TMEFF1: variants seen among roughly 807,000 people sequenced by gnomAD.
The protein encoded by TMEFF1 is tomoregulin-1.
A neutral mutation model predicts 47.5 loss-of-function variants in TMEFF1; 20 were observed. The observed-to-expected ratio is 0.42, with a 90% CI of 0.30 to 0.61. The LOEUF (loss-of-function observed/expected upper bound fraction) is 0.61. Ranked by LOEUF, TMEFF1 falls within the 20% of genes least tolerant of loss-of-function variation. TMEFF1 has a pLI of 0.19. For synonymous variants in TMEFF1, 162 were observed against 166.3 expected (o/e 0.97, Z 0.20); for missense variants, 411 against 471.1 (o/e 0.87, Z 1.18).
intron 5 of TMEFF1, 138 bp from the exon 6 acceptor site, chr9:100,547,606 A>T: frequency 2.8e-6 from 3 of 1,065,790 alleles, no homozygotes; most frequent in Non-Finnish European, 3.7e-6. Flanking sequence ...TACTTTGCTT[A>T]AGCTTTCATC....
At chr9:100,490,857 GTGTGTGTGTGTGTGTA>G (rs1837538901) in intron 1 of TMEFF1, among the ~76,000 whole-genome samples, 1 of 150,956 alleles carries the variant, frequency 6.6e-6, no homozygotes, top group Non-Finnish European at 1.5e-5. Context: ...GTGTGTGTGT[GTGTGTGTGTGTGTGTA>G]TGTGTGTATG....
At chr9:100,528,340 T>C (rs1257171771) in intron 5 of TMEFF1, among the ~76,000 whole-genome samples, 2 of 148,648 alleles carry the variant, frequency 1.3e-5, no homozygotes, top group Non-Finnish European at 1.5e-5. Flanking sequence ...TTGAAAACTT[T>C]GAAAAAAATT....
chr9:100,489,224 T>A (rs1837505428), intron 1 of TMEFF1, among the ~76,000 whole-genome samples: 1 of 152,230 alleles, frequency 6.6e-6, no homozygotes, highest in Non-Finnish European at 1.5e-5. Flanking sequence ...CCTTTTTCTT[T>A]TTTTTGGAGA....
rs559523895 is a variant in TMEFF1, at chr9:100,564,652, A to T, written c.899+3132A>T. On this transcript the variant is annotated intron_variant, in intron 8 of 9. Coordinates refer to ENST00000374879, the MANE Select transcript of TMEFF1 (RefSeq NM_003692.5). The stretch of plus-strand genomic sequence containing the variant: ...AGGAAGGGTCAGGTCTTACAGGAAC[A>T]TTTGGGCCATCCCAGGAGCTTGGCT... 1.8e-4 allele frequency among the ~76,000 whole-genome samples: 28 copies of T among 152,244 alleles called. No individual in the cohort carries two copies. The South Asian group carries it at 5.4e-3, about 29-fold the overall frequency.
At chr9:100,487,846 T>A (rs1837480756) in intron 1 of TMEFF1, among the ~76,000 whole-genome samples, 1 of 152,164 alleles carries the variant, frequency 6.6e-6, no homozygotes, top group Non-Finnish European at 1.5e-5. Flanking sequence ...TTACTTTTAC[T>A]TAATCAAATA....
intron 8 of TMEFF1, among the ~76,000 whole-genome samples, chr9:100,568,850 TA>T (rs1839176175): frequency 6.6e-6 from 1 of 152,184 alleles, no homozygotes; most frequent in African/African-American, 2.4e-5. Context: ...TAGCTTTTTT[TA>T]ACTTAGCGTA....
intron 2 of TMEFF1, among the ~76,000 whole-genome samples, 162 bp downstream of exon 2, chr9:100,499,036 T>G (rs1837710449): frequency 6.6e-6 from 1 of 152,208 alleles, no homozygotes; most frequent in Non-Finnish European, 1.5e-5. Flanking sequence ...TATTTGTATC[T>G]TCCATACTGC....
chr9:100,516,108 C>T (rs1838067395), intron 4 of TMEFF1, among the ~76,000 whole-genome samples: 1 of 151,970 alleles, frequency 6.6e-6, no homozygotes, highest in Non-Finnish European at 1.5e-5. Context: ...GCTAAGTGAC[C>T]AAGTAGAAAA....
intron 5 of TMEFF1, among the ~76,000 whole-genome samples, chr9:100,539,489 TGTCTTCAGGA>T (rs1415825103): frequency 6.6e-6 from 1 of 152,170 alleles, no homozygotes; most frequent in African/African-American, 2.4e-5. Context: ...GTAGTCTTGC[TGTCTTCAGGA>T]GTGAAGCTGC....
In TMEFF1 at chr9:100,473,782, C is replaced by T. The variant is rs781501300; in HGVS notation, c.196+42C>T. ...CCGGCCCTAGGTCTTCCCACCCCTC[C>T]GTTGCCGCCTCCCTCGTGGTCCCTG... On this transcript the variant is annotated intron_variant, in intron 1 of 9. Coordinates refer to ENST00000374879, the MANE Select transcript of TMEFF1 (RefSeq NM_003692.5). The surrounding 1 kb of genome is among the most constrained non-coding windows in gnomAD (Gnocchi z 5.4). 22 of 1,433,940 alleles carry T rather than the reference C, an allele frequency of 1.5e-5. 2 individuals carry two copies. In the South Asian group the frequency reaches 3.1e-4, roughly 20 times the overall value. The allele number at this position is 1,433,940 out of a possible 1,614,324, so 88.8% of individuals were successfully genotyped here.
chr9:100,535,341 AT>A (rs1185067539), intron 5 of TMEFF1, among the ~76,000 whole-genome samples: 5 of 152,108 alleles, frequency 3.3e-5, no homozygotes, highest in Non-Finnish European at 5.9e-5. Flanking sequence ...CCTTTCCTTA[AT>A]TACTTAATTC....
intron 9 of TMEFF1, among the ~76,000 whole-genome samples, chr9:100,574,497 G>A (rs540927264): frequency 3.3e-5 from 5 of 151,782 alleles, no homozygotes; most frequent in African/African-American, 9.7e-5. Flanking sequence ...TCAACCTCCC[G>A]AGTAGCTGAG....
intron 5 of TMEFF1, among the ~76,000 whole-genome samples, chr9:100,524,865 A>C (rs1838226928): frequency 6.6e-6 from 1 of 152,008 alleles, no homozygotes; most frequent in Non-Finnish European, 1.5e-5. Flanking sequence ...TACATTAGGT[A>C]TTTCTCCTAA....
chr9:100,530,606 C>T (rs1351449669), intron 5 of TMEFF1, among the ~76,000 whole-genome samples: 2 of 152,002 alleles, frequency 1.3e-5, no homozygotes, highest in African/African-American at 4.8e-5. Context: ...AGTTTACCAA[C>T]CAAAAAGAGT....
In TMEFF1 at chr9:100,473,871, A is replaced by G; in HGVS notation, c.196+131A>G. On this transcript the variant is annotated intron_variant, in intron 1 of 9. Coordinates refer to ENST00000374879, the MANE Select transcript of TMEFF1 (RefSeq NM_003692.5). This position sits in a 1 kb window ranked among gnomAD's most constrained non-coding sequence, Gnocchi z 5.4. ...CCAGGGGTGGGCCCGAGGGTGAGCG[A>G]GGGCGGAGGGCAGGGCGCGAGCGTG... 8.8e-7 allele frequency: 1 copy of G among 1,134,154 alleles called. No individual in the cohort carries two copies. The highest frequency in any genetic ancestry group is 1.2e-6 in the Non-Finnish European group (1 of 866,410). 70.3% of individuals were successfully genotyped at this position (1,134,154 alleles called of 1,614,324 possible).
At chr9:100,474,811 T>C (rs1177492921) in intron 1 of TMEFF1, among the ~76,000 whole-genome samples, 1 of 151,998 alleles carries the variant, frequency 6.6e-6, no homozygotes, top group African/African-American at 2.4e-5. Flanking sequence ...CCCACAGCTG[T>C]TGGAAACAAA....
At chr9:100,477,787 C>T (rs1471500771) in intron 1 of TMEFF1, among the ~76,000 whole-genome samples, 4 of 151,906 alleles carry the variant, frequency 2.6e-5, no homozygotes, top group South Asian at 2.1e-4. Context: ...CCACCACGCC[C>T]GGCTAATTGT....
intron 5 of TMEFF1, among the ~76,000 whole-genome samples, chr9:100,527,598 A>G (rs1385773063): frequency 5.3e-5 from 8 of 152,156 alleles, no homozygotes; most frequent in Non-Finnish European, 1.0e-4. Context: ...CTACACCCAT[A>G]TAGTCTCGCT....
intron 5 of TMEFF1, among the ~76,000 whole-genome samples, chr9:100,527,523 C>A (rs1213544503): frequency 6.6e-6 from 1 of 152,226 alleles, no homozygotes; most frequent in African/African-American, 2.4e-5. Context: ...GAATACTGCG[C>A]TTTTCCGACG....
Sources: gnomAD v4.1 joint callset for allele counts (sites outside exome capture counted in the v4.1 genomes callset) on GRCh38, gnomAD v4.1.1 for gene constraint, Gnocchi (gnomAD v3.1) non-coding constraint, MANE v1.5 for transcripts, NCBI Gene and HGNC (gene_info 2026-07-23, HGNC 2026-07-21) for gene names.